Variants in WDTC1 observed in about 807,000 individuals in gnomAD.
WDTC1 encodes the protein WD and tetratricopeptide repeats 1, also known as WD and tetratricopeptide repeats protein 1.
Under a neutral mutation model 76.0 loss-of-function variants are expected in WDTC1, and 12 were observed. The ratio of observed to expected loss-of-function variants is 0.16; its 90% CI spans 0.10 to 0.26. The LOEUF (loss-of-function observed/expected upper bound fraction) is 0.26, where lower values mean the gene tolerates loss of function less well. Ranked by LOEUF, WDTC1 falls within the 10% of genes least tolerant of loss-of-function variation. The pLI, the probability that WDTC1 is intolerant of heterozygous loss-of-function variation, is 1.00. For missense variants in WDTC1, 511 were observed against 908.8 expected (o/e 0.56, Z 5.63); for synonymous variants, 326 against 350.8 (o/e 0.93, Z 0.79).
intron 12 of WDTC1, among the ~76,000 whole-genome samples, chr1:27,298,409 G>A (rs137933672): frequency 5.3e-5 from 8 of 152,346 alleles, no homozygotes; most frequent in Non-Finnish European, 1.2e-4. Flanking sequence ...CCCTGGGGAA[G>A]TATGAGTTGA....
At chr1:27,234,449 CG>C (rs1221544921), upstream of WDTC1, 3 of 252,608 alleles carry the variant, frequency 1.2e-5, no homozygotes, top group East Asian at 2.1e-4. Flanking sequence ...CACGGCGGTG[CG>C]GGGCTCCCCC....
chr1:27,245,938 T>C (rs959347413), intron 1 of WDTC1, among the ~76,000 whole-genome samples: 2 of 152,050 alleles, frequency 1.3e-5, no homozygotes, highest in Admixed American at 1.3e-4. Context: ...CCATCTCTGG[T>C]CTGCTGCTAA....
Position 27,306,090 on chromosome 1 carries a change from T to G in WDTC1, c.1837-96T>G. The G allele has an allele frequency of 7.3e-7, 1 of 1,366,552 alleles. No individual in the cohort carries two copies. The highest frequency in any genetic ancestry group is 1.0e-6 in the Non-Finnish European group (1 of 979,192). The allele number at this position is 1,366,552 out of a possible 1,614,324, so 84.7% of individuals were successfully genotyped here. A position where few individuals can be genotyped will look rare whatever the true frequency, so the allele number is the denominator to read the frequency against. On this transcript the variant is annotated intron_variant, in intron 15 of 15. Coordinates refer to ENST00000319394, the MANE Select transcript of WDTC1 (RefSeq NM_001276252.2). The surrounding 1 kb of genome is among the most constrained non-coding windows in gnomAD (Gnocchi z 5.0). ...TATGTGTACCTCCCCCTATAGATAG[T>G]TTAGTCTGTGTATTTCCCTCCCCCT...
At chr1:27,281,696 C>T (rs2013195998) in intron 3 of WDTC1, among the ~76,000 whole-genome samples, 1 of 152,074 alleles carries the variant, frequency 6.6e-6, no homozygotes, top group African/African-American at 2.4e-5. Flanking sequence ...TCAAGTCATC[C>T]TCCCAACCTC....
rs1292014395 is a variant in WDTC1 at position 27,265,915 on chromosome 1, C to G, written c.132+2680C>G. 2.6e-5 allele frequency among the ~76,000 whole-genome samples: 4 copies of G among 152,038 alleles called. 1 individual carries two copies. In the East Asian group the frequency reaches 5.8e-4, roughly 22 times the overall value. On this transcript the variant is annotated intron_variant, in intron 3 of 15. Coordinates refer to ENST00000319394, the MANE Select transcript of WDTC1 (RefSeq NM_001276252.2). ...TGAGCCAAGATCTCGCCATTGCACT[C>G]TAGGCCTGGGCAACAAGCACAAAAC...
chr1:27,279,588 A>G (rs930852893), intron 3 of WDTC1, among the ~76,000 whole-genome samples: 5 of 151,972 alleles, frequency 3.3e-5, no homozygotes, highest in Admixed American at 1.3e-4. Flanking sequence ...TTTTTGTGAG[A>G]CAGAGCCTTG....
intron 5 of WDTC1, among the ~76,000 whole-genome samples, chr1:27,285,617 C>T (rs2013309125): frequency 6.6e-6 from 1 of 151,078 alleles, no homozygotes; most frequent in Non-Finnish European, 1.5e-5. Context: ...TTTCTTGTTT[C>T]TTTTCTTTTT....
chr1:27,289,043 A>T (rs1171946772), intron 6 of WDTC1, among the ~76,000 whole-genome samples: 1 of 106,456 alleles, frequency 9.4e-6, no homozygotes, highest in African/African-American at 3.6e-5. Flanking sequence ...TGACCCCCCC[A>T]CCTCCCTCCC....
chr1:27,235,016 C>G (rs1176282580), intron 1 of WDTC1, 65 bp downstream of exon 1: 12 of 372,134 alleles, frequency 3.2e-5, no homozygotes, highest in East Asian at 2.7e-4. Context: ...CCCGCAGCCC[C>G]GGTGAACGGG....
chr1:27,278,861 T>C (rs994781349), intron 3 of WDTC1, among the ~76,000 whole-genome samples: 10 of 152,162 alleles, frequency 6.6e-5, no homozygotes, highest in Non-Finnish European at 1.3e-4. Flanking sequence ...CCCAGCACTT[T>C]GGGAGGCCAA....
In WDTC1 at chr1:27,306,686, C is replaced by G. The variant is rs2013964520; in HGVS notation, c.*303C>G. The G allele has an allele frequency of 2.3e-6, 1 of 426,592 alleles. No individual in the cohort carries two copies. The highest frequency in any genetic ancestry group is 4.3e-6 in the Non-Finnish European group (1 of 232,418). The allele number at this position is 426,592 out of a possible 1,614,324, so 26.4% of individuals were successfully genotyped here. The stretch of plus-strand genomic sequence containing the variant: ...GGAGGGCTCTGGCCTGCCTCAAAAC[C>G]CCTTCTGCCTCAGGTGGGGAGGAAC... On this transcript the variant is annotated 3_prime_UTR_variant, in exon 16 of 16. Transcript: ENST00000319394. The surrounding 1 kb of genome is among the most constrained non-coding windows in gnomAD (Gnocchi z 5.0).
At chr1:27,258,529 CAAAAAAA>C (rs113977595) in intron 1 of WDTC1, among the ~76,000 whole-genome samples, 20 of 122,098 alleles carry the variant, frequency 1.6e-4, no homozygotes, top group Admixed American at 7.3e-4. Flanking sequence ...AAGACTCTGC[CAAAAAAA>C]AAAAAGAAAA....
intron 6 of WDTC1, among the ~76,000 whole-genome samples, chr1:27,289,616 T>TG (rs2013470380): frequency 6.6e-6 from 1 of 152,164 alleles, no homozygotes; most frequent in Admixed American, 6.5e-5. Flanking sequence ...CTCGGCACTT[T>TG]GGGAGGCCAA....
At chr1:27,275,707 A>G (rs1283956489) in intron 3 of WDTC1, among the ~76,000 whole-genome samples, 1 of 152,056 alleles carries the variant, frequency 6.6e-6, no homozygotes, top group Non-Finnish European at 1.5e-5. Context: ...TTAAATCCAG[A>G]TCAGCAATTT....
At chr1:27,253,623 A>C (rs1384285516) in intron 1 of WDTC1, among the ~76,000 whole-genome samples, 1 of 151,232 alleles carries the variant, frequency 6.6e-6, no homozygotes, top group Non-Finnish European at 1.5e-5. Flanking sequence ...CTGGGATTAT[A>C]GGCGTGAGCC....
chr1:27,280,469 G>A (rs1227476887), intron 3 of WDTC1, among the ~76,000 whole-genome samples: 1 of 152,202 alleles, frequency 6.6e-6, no homozygotes, highest in African/African-American at 2.4e-5. Flanking sequence ...ATAAGTATGT[G>A]TATTGTGAAG....
chr1:27,288,877 G>T (rs2013425509), intron 6 of WDTC1, among the ~76,000 whole-genome samples: 1 of 152,154 alleles, frequency 6.6e-6, no homozygotes, highest in African/African-American at 2.4e-5. Context: ...ACACCTCCCA[G>T]ACGGGGTGGT....
At position 27,306,632 on chromosome 1, in the gene WDTC1, C is replaced by G. The variant is rs1044571566; in HGVS notation, c.*249C>G. 7.3e-6 allele frequency: 4 copies of G among 547,436 alleles called. No homozygotes were observed. The highest frequency in any genetic ancestry group is 3.2e-5 in the Admixed American group (1 of 31,074). The allele number at this position is 547,436 out of a possible 1,614,324, so 33.9% of individuals were successfully genotyped here. A position where few individuals can be genotyped will look rare whatever the true frequency, so the allele number is the denominator to read the frequency against. ...CAGGAGGGGACACCCCTCCATATGC[C>G]CCCCCCCATCTCCTGCTTTCATGTC... On this transcript the variant is annotated 3_prime_UTR_variant, in exon 16 of 16. Coordinates refer to ENST00000319394, the MANE Select transcript of WDTC1 (RefSeq NM_001276252.2). This position sits in a 1 kb window ranked among gnomAD's most constrained non-coding sequence, Gnocchi z 5.0.
chr1:27,262,203 C>G (rs2012499772), intron 2 of WDTC1, among the ~76,000 whole-genome samples: 1 of 152,054 alleles, frequency 6.6e-6, no homozygotes, highest in African/African-American at 2.4e-5. Flanking sequence ...GCTGGGATTA[C>G]AGGCGTGAGC....
Sources: allele counts gnomAD v4.1 joint callset (sites outside exome capture counted in the v4.1 genomes callset), GRCh38; gene constraint gnomAD v4.1.1; non-coding constraint Gnocchi (gnomAD v3.1); transcripts MANE v1.5; gene names NCBI Gene and HGNC (gene_info 2026-07-23, HGNC 2026-07-21).